DACH1: variants seen among roughly 807,000 people sequenced by gnomAD.
The protein encoded by DACH1 is dachshund homolog 1.
Under a neutral mutation model 54.2 loss-of-function variants are expected in DACH1, and 12 were observed. That is an observed-to-expected ratio of 0.22 (90% confidence interval 0.14 to 0.36). DACH1 has a LOEUF of 0.36. DACH1 is among the 10% of genes least tolerant of loss of function. The probability of loss-of-function intolerance (pLI) is 1.00; values close to 1 mark genes in which losing one functional copy is unlikely to be tolerated. For missense variants in DACH1, 805 were observed against 929.8 expected (o/e 0.87, Z 1.75); for synonymous variants, 386 against 366.2 (o/e 1.05, Z -0.62).
chr13:71,461,994 G>T (rs755867264), intron 10 of DACH1, among the ~76,000 whole-genome samples: 1 of 151,836 alleles, frequency 6.6e-6, no homozygotes, highest in Non-Finnish European at 1.5e-5. Context: ...ACCTGAATAT[G>T]TATGGAAATA....
chr13:71,516,474 A>G (rs1357513145), intron 6 of DACH1, among the ~76,000 whole-genome samples: 1 of 151,918 alleles, frequency 6.6e-6, no homozygotes, highest in Non-Finnish European at 1.5e-5. Context: ...CCTGTATTTT[A>G]GCAGCATGTT....
At chr13:71,863,370 G>A (rs1311460530) in intron 1 of DACH1, among the ~76,000 whole-genome samples, 2 of 148,392 alleles carry the variant, frequency 1.3e-5, no homozygotes, top group African/African-American at 2.5e-5. Flanking sequence ...TTAAGTTTGA[G>A]TAAGCTTTTT....
intron 1 of DACH1, among the ~76,000 whole-genome samples, chr13:71,717,849 G>A (rs1335889672): frequency 6.6e-6 from 1 of 151,048 alleles, no homozygotes; most frequent in East Asian, 2.0e-4. Flanking sequence ...CGTTTTTTCA[G>A]TCAAAACCAA....
At chr13:71,452,243 T>C (rs868491579) in intron 10 of DACH1, among the ~76,000 whole-genome samples, 10 of 152,056 alleles carry the variant, frequency 6.6e-5, no homozygotes, top group South Asian at 2.1e-4. Flanking sequence ...GATCTTCCTG[T>C]AGGCCTCCCG....
chr13:71,762,392 G>A (rs985895821), intron 1 of DACH1, among the ~76,000 whole-genome samples: 7 of 152,210 alleles, frequency 4.6e-5, no homozygotes, highest in African/African-American at 1.7e-4. Flanking sequence ...AAATGAGTGA[G>A]CAAGAAAATG....
At chr13:71,795,256 G>A (rs189616341) in intron 1 of DACH1, among the ~76,000 whole-genome samples, 101 of 152,172 alleles carry the variant, frequency 6.6e-4, no homozygotes, top group South Asian at 2.5e-3. Context: ...CTTCAAGAAC[G>A]CTGTAAAGAT....
intron 1 of DACH1, among the ~76,000 whole-genome samples, chr13:71,767,773 C>A (rs1885700053): frequency 1.3e-5 from 2 of 151,972 alleles, no homozygotes; most frequent in South Asian, 4.1e-4. Context: ...ATCCATAAAC[C>A]ATTTTCTCAG....
rs904381015 is a variant in DACH1 at position 71,866,326 on chromosome 13, GCTGCTGCTA to G, written c.435_443del (p.Ser161_Ser163del). Reference sequence around the variant, plus strand: ...TGCTGCTACTACTGCTGCTGCTGCTGCTGCTGCTACTGCTGCTGCTGCTGCTGCCGGTGC... The same window carrying G: ...TGCTGCTACTACTGCTGCTGCTGCTGCTGCTGCTGCTGCTGCTGCCGGTGC... On this transcript the variant is annotated inframe_deletion, in exon 1 of 11. Transcript: ENST00000613252. 9.5e-5 allele frequency: 146 copies of G among 1,544,438 alleles called. No homozygotes were observed. The highest frequency in any genetic ancestry group is 1.2e-4 in the Non-Finnish European group (139 of 1,145,284).
At chr13:71,481,720 A>G (rs1878047474) in intron 7 of DACH1, among the ~76,000 whole-genome samples, 1 of 152,230 alleles carries the variant, frequency 6.6e-6, no homozygotes, top group Non-Finnish European at 1.5e-5. Context: ...ACCGCCAGTG[A>G]CAGCTCTGCT....
Position 71,459,037 on chromosome 13 carries a change from C to T in DACH1, c.2083+16104G>A, listed in dbSNP as rs1023922521. On this transcript the variant is annotated intron_variant, in intron 10 of 10. Transcript: ENST00000613252. ...CTACAGATAGATTCAACAAGAGTTA[C>T]GGACAATAGTTTGCCAAAGTTCATT... Among the ~76,000 whole-genome samples, 5 of 151,732 alleles carry T rather than the reference C, an allele frequency of 3.3e-5. No homozygotes were observed. The East Asian group carries it at 7.7e-4, about 23-fold the overall frequency.
chr13:71,483,278 A>G (rs1878208352), intron 7 of DACH1, among the ~76,000 whole-genome samples: 1 of 150,330 alleles, frequency 6.7e-6, no homozygotes, highest in African/African-American at 2.4e-5. Flanking sequence ...ATTTGATATT[A>G]GCTTCCCCAT....
At chr13:71,553,567 T>C (rs1483684907) in intron 6 of DACH1, among the ~76,000 whole-genome samples, 1 of 146,416 alleles carries the variant, frequency 6.8e-6, no homozygotes, top group Non-Finnish European at 1.5e-5. Flanking sequence ...ATATATAACA[T>C]TTTGTTTTTG....
intron 3 of DACH1, among the ~76,000 whole-genome samples, chr13:71,617,614 A>G (rs892739413): frequency 1.3e-5 from 2 of 152,248 alleles, no homozygotes; most frequent in Non-Finnish European, 2.9e-5. Context: ...GAAAAAGCAA[A>G]TAGGCTAAAA....
At chr13:71,681,748 T>C (rs768028634) in intron 2 of DACH1, 47 bp downstream of exon 2, 17 of 1,384,220 alleles carry the variant, frequency 1.2e-5, no homozygotes, top group African/African-American at 2.9e-5. Flanking sequence ...AGCTACGACA[T>C]TGGCTGATTT....
intron 6 of DACH1, among the ~76,000 whole-genome samples, chr13:71,518,990 G>T (rs994114686): frequency 6.6e-6 from 1 of 151,874 alleles, no homozygotes; most frequent in African/African-American, 2.4e-5. Context: ...AGTCCCAATT[G>T]TTCATTTATA....
chr13:71,542,723 T>C (rs1883215079), intron 6 of DACH1, among the ~76,000 whole-genome samples: 1 of 152,040 alleles, frequency 6.6e-6, no homozygotes, highest in African/African-American at 2.4e-5. Context: ...GCAAAGAAAA[T>C]ATATAAACTC....
intron 1 of DACH1, among the ~76,000 whole-genome samples, chr13:71,714,263 A>C (rs1882871631): frequency 6.6e-6 from 1 of 152,076 alleles, no homozygotes; most frequent in African/African-American, 2.4e-5. Context: ...ATAAGAAGAA[A>C]ATAGAATTTT....
At chr13:71,704,634 T>G in intron 1 of DACH1, 1 of 395,796 alleles carries the variant, frequency 2.5e-6, no homozygotes, top group Non-Finnish European at 5.0e-6. Context: ...TGGAACCTCT[T>G]CCCTGTGGAT....
chr13:71,554,467 G>T (rs1274424873), intron 6 of DACH1, among the ~76,000 whole-genome samples: 1 of 152,130 alleles, frequency 6.6e-6, no homozygotes, highest in Non-Finnish European at 1.5e-5. Flanking sequence ...ATAAAACCTT[G>T]ATGTAAGTAC....
Sources: gnomAD v4.1 joint callset for allele counts (sites outside exome capture counted in the v4.1 genomes callset) on GRCh38, gnomAD v4.1.1 for gene constraint, MANE v1.5 for transcripts, NCBI Gene and HGNC (gene_info 2026-07-23, HGNC 2026-07-21) for gene names.